GPHN: variants seen among roughly 807,000 people sequenced by gnomAD.
The protein encoded by GPHN is gephyrin.
Under a neutral mutation model 95.5 loss-of-function variants are expected in GPHN, and 17 were observed. That is an observed-to-expected ratio of 0.18 (90% CI 0.12 to 0.27). The LOEUF (loss-of-function observed/expected upper bound fraction) is 0.27. Ranked by LOEUF, GPHN falls within the 10% of genes least tolerant of loss-of-function variation. GPHN has a pLI of 1.00. For missense variants in GPHN, 660 were observed against 978.1 expected, an observed-to-expected ratio of 0.67 and a Z score of 4.34; for synonymous variants, 320 against 322.5, an observed-to-expected ratio of 0.99 and a Z score of 0.08.
At chr14:66,587,036 T>C (rs1432860591) in intron 1 of GPHN, among the ~76,000 whole-genome samples, 2 of 151,618 alleles carry the variant, frequency 1.3e-5, no homozygotes, top group East Asian at 1.9e-4. Context: ...ATATATAAAA[T>C]AAAAAATGAA....
intron 4 of GPHN, among the ~76,000 whole-genome samples, chr14:66,879,184 A>G (rs754263349): frequency 6.6e-6 from 1 of 152,050 alleles, no homozygotes; most frequent in Admixed American, 6.6e-5. Context: ...ACAGAGGGAA[A>G]CATCACACAC....
chr14:66,772,204 C>T (rs1298780233), intron 2 of GPHN, among the ~76,000 whole-genome samples: 1 of 151,806 alleles, frequency 6.6e-6, no homozygotes, highest in African/African-American at 2.4e-5. Context: ...TCATTAATTC[C>T]TGTTAATTCT....
chr14:66,616,425 TTTG>T (rs112215078), intron 1 of GPHN, among the ~76,000 whole-genome samples: 14 of 150,130 alleles, frequency 9.3e-5, no homozygotes, highest in East Asian at 4.0e-4. Context: ...TTCTTTGTGT[TTTG>T]TTGTTGTTGT....
chr14:66,583,631 A>G (rs1319724100), intron 1 of GPHN, among the ~76,000 whole-genome samples: 1 of 152,164 alleles, frequency 6.6e-6, no homozygotes, highest in Non-Finnish European at 1.5e-5. Context: ...AGCAGCATTT[A>G]TTAAATAGGG....
At chr14:67,097,688 A>G (rs1269744879) in intron 12 of GPHN, among the ~76,000 whole-genome samples, 1 of 152,116 alleles carries the variant, frequency 6.6e-6, no homozygotes, top group South Asian at 2.1e-4. Flanking sequence ...CTCTCATAAA[A>G]TCATGTTTCT....
the GPHN span, among the ~76,000 whole-genome samples, chr14:67,591,024 AAT>A: frequency 6.6e-6 from 1 of 152,208 alleles, no homozygotes; most frequent in Non-Finnish European, 1.5e-5. Flanking sequence ...GAATGGAAAA[AAT>A]ATATGTGAAA....
chr14:66,631,790 T>C (rs1436331320), intron 1 of GPHN, among the ~76,000 whole-genome samples: 1 of 152,176 alleles, frequency 6.6e-6, no homozygotes, highest in Non-Finnish European at 1.5e-5. Context: ...TTATATATTT[T>C]CTATATTAGA....
intron 1 of GPHN, among the ~76,000 whole-genome samples, chr14:66,515,527 T>C (rs899077322): frequency 3.3e-5 from 5 of 152,226 alleles, no homozygotes; most frequent in African/African-American, 9.6e-5. Context: ...TTTAGACTAA[T>C]GAAATTTGAT....
the GPHN span, chr14:67,600,203 T>C: frequency 5.1e-6 from 8 of 1,572,638 alleles, no homozygotes; most frequent in Non-Finnish European, 6.9e-6. Flanking sequence ...TCATCCTCCA[T>C]GACGCCCCCA....
At chr14:67,659,921 A>G in the GPHN span, 8 of 1,612,440 alleles carry the variant, frequency 5.0e-6, no homozygotes, top group Non-Finnish European at 6.8e-6. Flanking sequence ...CATCTCTGCC[A>G]GCTGGGAAGG....
At chr14:66,821,396 G>A (rs1225572705) in intron 3 of GPHN, among the ~76,000 whole-genome samples, 1 of 152,142 alleles carries the variant, frequency 6.6e-6, no homozygotes, top group Non-Finnish European at 1.5e-5. Flanking sequence ...TTCAAATTGT[G>A]TATTTCTAAT....
At chr14:67,327,006 C>G in the GPHN span, among the ~76,000 whole-genome samples, 1 of 152,006 alleles carries the variant, frequency 6.6e-6, no homozygotes, top group Non-Finnish European at 1.5e-5. Flanking sequence ...GAAACCCCGT[C>G]TCTACTAAAA....
the GPHN span, chr14:67,678,170 C>A: frequency 1.7e-6 from 1 of 586,574 alleles, no homozygotes; most frequent in East Asian, 2.9e-5. Context: ...TGGCAGTACA[C>A]TGAGTTTTAA....
chr14:66,835,213 G>A (rs1368226240), intron 4 of GPHN, among the ~76,000 whole-genome samples: 3 of 148,192 alleles, frequency 2.0e-5, no homozygotes, highest in African/African-American at 7.5e-5. Flanking sequence ...CCAGCTCCTG[G>A]ATTCATTAAT....
chr14:67,601,032 G>GA, the GPHN span, among the ~76,000 whole-genome samples: 1 of 152,222 alleles, frequency 6.6e-6, no homozygotes, highest in African/African-American at 2.4e-5. Flanking sequence ...GAACGATGTT[G>GA]ATGACAGTCT....
At chr14:67,221,228 A>G in the GPHN span, among the ~76,000 whole-genome samples, 2 of 152,248 alleles carry the variant, frequency 1.3e-5, no homozygotes, top group Admixed American at 6.5e-5. Flanking sequence ...ATGTTATTAA[A>G]TGTAAATAAG....
At chr14:67,357,036 G>A in the GPHN span, among the ~76,000 whole-genome samples, 5 of 152,130 alleles carry the variant, frequency 3.3e-5, no homozygotes. Context: ...TGTGAAATGG[G>A]CAATTTTAAT....
At chr14:66,990,968 A>G (rs752468728) in intron 9 of GPHN, among the ~76,000 whole-genome samples, 4 of 152,018 alleles carry the variant, frequency 2.6e-5, no homozygotes, top group Non-Finnish European at 4.4e-5. Flanking sequence ...TGGATGATGT[A>G]GACAATATGT....
intron 5 of GPHN, among the ~76,000 whole-genome samples, chr14:66,914,076 T>C (rs2065798956): frequency 6.6e-6 from 1 of 151,942 alleles, no homozygotes; most frequent in African/African-American, 2.4e-5. Flanking sequence ...TGATGGGAAA[T>C]AACAAATGTA....
Sources: gnomAD v4.1 joint callset for allele counts (sites outside exome capture counted in the v4.1 genomes callset) on GRCh38, gnomAD v4.1.1 for gene constraint, MANE v1.5 for transcripts, NCBI Gene and HGNC (gene_info 2026-07-23, HGNC 2026-07-21) for gene names.